Variants in ZNF827 observed in about 807,000 individuals in gnomAD.
The protein encoded by ZNF827 is zinc finger protein 827.
ZNF827 carries 13 observed loss-of-function variants against 102.4 expected under a neutral mutation model. The ratio of observed to expected loss-of-function variants is 0.13; its 90% CI spans 0.08 to 0.20. The LOEUF (loss-of-function observed/expected upper bound fraction) is 0.20, where lower values mean the gene tolerates loss of function less well. Among genes scored for constraint, ZNF827 ranks in the 10% least tolerant of loss-of-function variants. The pLI is 1.00. For missense variants in ZNF827, 1,103 were observed against 1,344.4 expected (o/e 0.82, Z 2.81); for synonymous variants, 523 against 536.2 (o/e 0.98, Z 0.34).
At chr4:145,810,873 C>T (rs1741939857) in intron 8 of ZNF827, among the ~76,000 whole-genome samples, 1 of 152,096 alleles carries the variant, frequency 6.6e-6, no homozygotes, top group African/African-American at 2.4e-5. Context: ...TGTCCATATC[C>T]CTTAAAGTTA....
chr4:145,790,012 T>C (rs1579196357), intron 8 of ZNF827, among the ~76,000 whole-genome samples: 1 of 152,216 alleles, frequency 6.6e-6, no homozygotes, highest in African/African-American at 2.4e-5. Flanking sequence ...TATGTAAATT[T>C]TAATCATAAA....
intron 1 of ZNF827, among the ~76,000 whole-genome samples, chr4:145,922,370 G>A (rs1753135460): frequency 6.6e-6 from 1 of 152,156 alleles, no homozygotes; most frequent in South Asian, 2.1e-4. Flanking sequence ...CATCTGTAAT[G>A]ATGATACAAA....
In ZNF827 at chr4:145,765,635, C is replaced by T; in HGVS notation, c.2964G>A (p.Gln988=). Residue 988 remains glutamine, a synonymous_variant, in exon 12 of 15, where the codon CAG becomes CAA. Coordinates refer to ENST00000508784, the MANE Select transcript of ZNF827 (RefSeq NM_001306215.2). The surrounding 1 kb of genome is among the most constrained non-coding windows in gnomAD (Gnocchi z 4.7). ...ANSKDDSDGS[Q]KNKGGNNLLV... is the part of the protein sequence containing the mutation. ...GCAGATTGTTCCCGCCCTTGTTTTT[C>T]TGGGAGCCATCTGAATCATCTTTGC... The T allele has an allele frequency of 6.2e-7, 1 of 1,614,142 alleles. No individual in the cohort carries two copies. The highest frequency in any genetic ancestry group is 8.5e-7 in the Non-Finnish European group (1 of 1,180,022).
chr4:145,772,576 C>T (rs530019439), intron 11 of ZNF827, among the ~76,000 whole-genome samples: 1 of 152,234 alleles, frequency 6.6e-6, no homozygotes, highest in East Asian at 1.9e-4. Context: ...ATATTGTCTA[C>T]GACTACTTTC....
At chr4:145,805,354 C>A (rs977877274) in intron 8 of ZNF827, among the ~76,000 whole-genome samples, 1 of 152,010 alleles carries the variant, frequency 6.6e-6, no homozygotes, top group Non-Finnish European at 1.5e-5. Context: ...TCTAGATAGT[C>A]ATTTTTAACT....
At position 145,932,160 on chromosome 4, in the gene ZNF827, A is replaced by G. The variant is rs1435655279; in HGVS notation, c.43+6205T>C. Among the ~76,000 whole-genome samples, 6 of 152,184 alleles carry G rather than the reference A, an allele frequency of 3.9e-5. No homozygotes were observed. In the South Asian group the frequency reaches 6.2e-4, roughly 16 times the overall value. On this transcript the variant is annotated intron_variant, in intron 1 of 14. Coordinates refer to ENST00000508784, the MANE Select transcript of ZNF827 (RefSeq NM_001306215.2). Reference sequence around the variant, plus strand: ...TGGCACCTTGATCTTGGACTTCCCAACTTCCAGAACTGTAGGCAATACATT... The same window carrying G: ...TGGCACCTTGATCTTGGACTTCCCAGCTTCCAGAACTGTAGGCAATACATT...
chr4:145,936,275 C>G (rs528790216), intron 1 of ZNF827, among the ~76,000 whole-genome samples: 1 of 152,088 alleles, frequency 6.6e-6, no homozygotes, highest in Non-Finnish European at 1.5e-5. Flanking sequence ...AATCGCAGCG[C>G]GGAGCCTCCC....
At chr4:145,791,684 G>A (rs1739726298) in intron 8 of ZNF827, among the ~76,000 whole-genome samples, 1 of 152,146 alleles carries the variant, frequency 6.6e-6, no homozygotes, top group South Asian at 2.1e-4. Context: ...ATAGCTGAAA[G>A]AGGAATTATA....
In ZNF827 at chr4:145,775,800, A is replaced by C. The variant is rs1245865897; in HGVS notation, c.2682T>G (p.Pro894=). The C allele has an allele frequency of 1.9e-6, 3 of 1,614,054 alleles. No homozygotes were observed. In the African/African-American group the frequency reaches 4.0e-5, roughly 22 times the overall value. ...TSEGSDGKKH[P]YYYSCHVCGF... ...CATCTGCAACTCACCTGTAATAATA[A>C]GGATGTTTCTTCCCATCACTGCCTT... The change falls in exon 10 of 15, where the codon CCT becomes CCG. Residue 894 remains proline, a synonymous_variant. Coordinates refer to ENST00000508784, the MANE Select transcript of ZNF827 (RefSeq NM_001306215.2).
At chr4:145,819,371 C>T (rs1001136252) in intron 8 of ZNF827, among the ~76,000 whole-genome samples, 5 of 152,124 alleles carry the variant, frequency 3.3e-5, no homozygotes, top group Admixed American at 1.3e-4. Context: ...GGAAGCTCCA[C>T]GTTGTTTAAA....
intron 1 of ZNF827, among the ~76,000 whole-genome samples, chr4:145,934,585 G>GCTCA (rs1350282292): frequency 1.3e-5 from 2 of 152,184 alleles, no homozygotes; most frequent in African/African-American, 4.8e-5. Context: ...AGGGGCTGAG[G>GCTCA]CTCACCCCAG....
At chr4:145,819,806 C>T (rs1742963303) in intron 8 of ZNF827, 1 of 152,186 alleles carries the variant, frequency 6.6e-6, no homozygotes, top group Non-Finnish European at 1.5e-5. Flanking sequence ...CTACCTCTGC[C>T]TAAGACATTC....
intron 1 of ZNF827, among the ~76,000 whole-genome samples, chr4:145,934,429 AG>A (rs1754015870): frequency 6.6e-6 from 1 of 152,224 alleles, no homozygotes; most frequent in Non-Finnish European, 1.5e-5. Flanking sequence ...CCTAAGGCTT[AG>A]GTTAGTAGTG....
intron 2 of ZNF827, among the ~76,000 whole-genome samples, chr4:145,899,352 G>A (rs2126876268): frequency 6.6e-6 from 1 of 152,122 alleles, no homozygotes; most frequent in Admixed American, 6.5e-5. Flanking sequence ...GGGTAGAGGG[G>A]ACAGATGGAG....
At chr4:145,931,362 T>C (rs746235638) in intron 1 of ZNF827, among the ~76,000 whole-genome samples, 5 of 152,218 alleles carry the variant, frequency 3.3e-5, no homozygotes, top group Non-Finnish European at 5.9e-5. Context: ...TTACAATCTA[T>C]ACCTTTAAAA....
In ZNF827 at chr4:145,900,694, G is replaced by C. The variant is rs1751343560; in HGVS notation, c.1093+1472C>G. Among the ~76,000 whole-genome samples, 18 of 152,246 alleles carry C rather than the reference G, an allele frequency of 1.2e-4. 1 individual carries two copies. The South Asian group carries it at 3.7e-3, about 32-fold the overall frequency. ...CAAAGTGCTAGGATTACAGGTGTGA[G>C]CCACTGCGCCCGGCCTAAAATTTTA... On this transcript the variant is annotated intron_variant, in intron 2 of 14. Transcript: ENST00000508784.
chr4:145,825,929 A>G (rs900537676), intron 7 of ZNF827, among the ~76,000 whole-genome samples: 5 of 152,248 alleles, frequency 3.3e-5, no homozygotes, highest in Non-Finnish European at 7.3e-5. Context: ...CCTGCTGGAT[A>G]CTAAAAATGC....
At chr4:145,908,787 A>G (rs1305782809) in intron 1 of ZNF827, among the ~76,000 whole-genome samples, 2 of 152,170 alleles carry the variant, frequency 1.3e-5, no homozygotes, top group Non-Finnish European at 2.9e-5. Flanking sequence ...TTTCTAATCA[A>G]CAGAAGAGTG....
chr4:145,907,196 C>T (rs1023178703), intron 1 of ZNF827: 6 of 456,326 alleles, frequency 1.3e-5, no homozygotes, highest in East Asian at 1.4e-4. Context: ...GATTTTCTCC[C>T]ACTTTTTTTT....
Sources: allele counts gnomAD v4.1 joint callset (sites outside exome capture counted in the v4.1 genomes callset), GRCh38; gene constraint gnomAD v4.1.1; non-coding constraint Gnocchi (gnomAD v3.1); transcripts MANE v1.5; gene names NCBI Gene and HGNC (gene_info 2026-07-23, HGNC 2026-07-21).